MYO5B: variants seen among roughly 807,000 people sequenced by gnomAD.
MYO5B encodes the protein unconventional myosin-Vb.
Under a neutral mutation model 229.3 loss-of-function variants are expected in MYO5B, and 143 were observed. That is an observed-to-expected ratio of 0.62 (90% CI 0.54 to 0.72). The LOEUF is 0.72. Ranked by LOEUF, MYO5B falls within the 30% of genes least tolerant of loss-of-function variation. The pLI is 0.00. For synonymous variants in MYO5B, 918 were observed against 885.2 expected (o/e 1.04, Z -0.66); for missense variants, 2,321 against 2,331.0 (o/e 1.00, Z 0.09).
chr18:49,979,485 T>A (rs903806794), intron 9 of MYO5B, among the ~76,000 whole-genome samples: 23 of 152,146 alleles, frequency 1.5e-4, no homozygotes, highest in African/African-American at 5.6e-4. Flanking sequence ...CAGGTCTTCC[T>A]CTCCCTGAAG....
chr18:50,086,504 A>G (rs764133296), intron 1 of MYO5B, among the ~76,000 whole-genome samples: 1 of 152,196 alleles, frequency 6.6e-6, no homozygotes, highest in Non-Finnish European at 1.5e-5. Context: ...GTGTATCACA[A>G]TTGACATATC....
At position 50,043,376 on chromosome 18, in the gene MYO5B, T is replaced by TATTAAATATATTTA. The variant is rs2030096835; in HGVS notation, c.139-3063_139-3062insTAAATATATTTAAT. On this transcript the variant is annotated intron_variant, in intron 2 of 39. Coordinates refer to ENST00000285039, the MANE Select transcript of MYO5B (RefSeq NM_001080467.3). ...TAATATAAATATATTATATAATATA[T>TATTAAATATATTTA]AATATATTAAATATATTTAAATATA... 9.3e-5 allele frequency among the ~76,000 whole-genome samples: 9 copies of TATTAAATATATTTA among 97,084 alleles called. No homozygotes were observed. In the South Asian group the frequency reaches 2.6e-3, roughly 28 times the overall value. 63.7% of individuals were successfully genotyped at this position (97,084 alleles called of 152,430 possible). A position where few individuals can be genotyped will look rare whatever the true frequency, so the allele number is the denominator to read the frequency against.
chr18:49,954,904 G>T (rs2025475955), intron 12 of MYO5B, among the ~76,000 whole-genome samples: 1 of 152,188 alleles, frequency 6.6e-6, no homozygotes, highest in African/African-American at 2.4e-5. Flanking sequence ...AGATACCATT[G>T]TCCAGGTTTG....
chr18:49,841,273 G>T, intron 35 of MYO5B, 92 bp downstream of exon 35: 1 of 1,209,736 alleles, frequency 8.3e-7, no homozygotes, highest in Non-Finnish European at 1.2e-6. Context: ...GTGCTCCAAA[G>T]ACCCCACTGA....
At chr18:49,987,481 G>C (rs1258567735) in intron 7 of MYO5B, among the ~76,000 whole-genome samples, 1 of 152,018 alleles carries the variant, frequency 6.6e-6, no homozygotes, top group African/African-American at 2.4e-5. Context: ...TCATCCTCCA[G>C]TTTAGGTCTC....
At chr18:49,988,278 C>A (rs1240553978) in intron 7 of MYO5B, among the ~76,000 whole-genome samples, 1 of 152,188 alleles carries the variant, frequency 6.6e-6, no homozygotes, top group African/African-American at 2.4e-5. Flanking sequence ...GACCTAAATG[C>A]CAAGCTTCAG....
chr18:49,940,144 G>T (rs989094340), intron 14 of MYO5B, among the ~76,000 whole-genome samples: 1 of 151,904 alleles, frequency 6.6e-6, no homozygotes, highest in Admixed American at 6.5e-5. Flanking sequence ...TGTAAGAATA[G>T]GTCCAAAATT....
chr18:50,029,874 A>G (rs1433004225), intron 4 of MYO5B, among the ~76,000 whole-genome samples: 4 of 152,044 alleles, frequency 2.6e-5, no homozygotes, highest in African/African-American at 4.8e-5. Context: ...TACAGGAAAA[A>G]CCTGGCTCCA....
chr18:49,980,424 G>T lies in MYO5B; in HGVS notation c.1056+20C>A. The stretch of plus-strand genomic sequence containing the variant: ...GGTAAATTGTGTTCATTTTATCTCC[G>T]GTGTTGGTGTGCAACTTACTGATAT... On this transcript the variant is annotated intron_variant, in intron 9 of 39. Transcript: ENST00000285039. 1 of 1,514,034 alleles carries T rather than the reference G, an allele frequency of 6.6e-7. No individual in the cohort carries two copies. The highest frequency in any genetic ancestry group is 9.2e-7 in the Non-Finnish European group (1 of 1,088,908). 93.8% of individuals were successfully genotyped at this position (1,514,034 alleles called of 1,614,324 possible).
chr18:50,194,642 CCG>C, intron 1 of MYO5B, 123 bp downstream of exon 1: 1 of 648,368 alleles, frequency 1.5e-6, no homozygotes, highest in Non-Finnish European at 2.6e-6. Context: ...GAGGAGGACA[CCG>C]CGGAGGGGGG....
intron 10 of MYO5B, among the ~76,000 whole-genome samples, chr18:49,972,850 T>C (rs1189498042): frequency 6.6e-6 from 1 of 151,472 alleles, no homozygotes; most frequent in Non-Finnish European, 1.5e-5. Flanking sequence ...ACTGAAGGCC[T>C]GGGGAGGATG....
At chr18:49,881,599 G>A (rs996585201) in intron 22 of MYO5B, among the ~76,000 whole-genome samples, 1 of 151,988 alleles carries the variant, frequency 6.6e-6, no homozygotes, top group South Asian at 2.1e-4. Flanking sequence ...TCAAGTGATC[G>A]AGACCATCCT....
intron 4 of MYO5B, among the ~76,000 whole-genome samples, chr18:50,018,479 G>T (rs1323946905): frequency 6.6e-6 from 1 of 152,010 alleles, no homozygotes; most frequent in Non-Finnish European, 1.5e-5. Flanking sequence ...GTCAACATGA[G>T]GACTTTTAAA....
intron 23 of MYO5B, chr18:49,879,469 A>G: frequency 3.3e-6 from 1 of 298,648 alleles, no homozygotes. Context: ...AGTTCTTAGG[A>G]GTGCAGGGAG....
chr18:49,957,886 A>G (rs1034657034), intron 12 of MYO5B, among the ~76,000 whole-genome samples: 2 of 151,732 alleles, frequency 1.3e-5, no homozygotes, highest in Admixed American at 6.6e-5. Context: ...TTTAAGGAGT[A>G]CCCTCTGGCC....
intron 1 of MYO5B, among the ~76,000 whole-genome samples, chr18:50,064,972 G>A (rs998138586): frequency 2.6e-5 from 4 of 152,166 alleles, no homozygotes; most frequent in Admixed American, 2.6e-4. Flanking sequence ...ACTGCACCTT[G>A]TATTTGGGTG....
chr18:50,189,364 T>A (rs2033197117), intron 1 of MYO5B, among the ~76,000 whole-genome samples: 2 of 152,182 alleles, frequency 1.3e-5, no homozygotes, highest in African/African-American at 4.8e-5. Flanking sequence ...TAACTTTAGT[T>A]CAACTGTACA....
chr18:49,990,574 C>T lies in MYO5B; in HGVS notation c.757-54G>A, dbSNP rs2025920023. 5 of 1,456,994 alleles carry T rather than the reference C, an allele frequency of 3.4e-6. No homozygotes were observed. In the Admixed American group the frequency reaches 5.0e-5, roughly 15 times the overall value. 90.3% of individuals were successfully genotyped at this position (1,456,994 alleles called of 1,614,324 possible). A position where few individuals can be genotyped will look rare whatever the true frequency, so the allele number is the denominator to read the frequency against. On this transcript the variant is annotated intron_variant, in intron 6 of 39. Coordinates refer to ENST00000285039, the MANE Select transcript of MYO5B (RefSeq NM_001080467.3). ...AGGGCAGTGACCTCTAACATCGTTC[C>T]CTCTGCCACTGTAATCCCAGGGTGC...
chr18:50,171,034 C>G lies in MYO5B; in HGVS notation c.27+23733G>C, dbSNP rs2032913951. On this transcript the variant is annotated intron_variant, in intron 1 of 39. Transcript: ENST00000285039. ...TCTCTCCTTGCAGCTAGCATCCCCT[C>G]AGCTAGTATTTGCCAGGCCCTCAAA... Among the ~76,000 whole-genome samples the G allele has an allele frequency of 1.6e-5, 2 of 126,976 alleles. 1 individual carries two copies. The highest frequency in any genetic ancestry group is 6.0e-5 in the African/African-American group (2 of 33,428). 83.3% of individuals were successfully genotyped at this position (126,976 alleles called of 152,430 possible).
Sources: allele counts gnomAD v4.1 joint callset (sites outside exome capture counted in the v4.1 genomes callset), GRCh38; gene constraint gnomAD v4.1.1; transcripts MANE v1.5; gene names NCBI Gene and HGNC (gene_info 2026-07-23, HGNC 2026-07-21).